The following PDE3A variants were observed in gnomAD, a reference collection of about 807,000 sequenced individuals.
The protein encoded by PDE3A is phosphodiesterase 3A.
In PDE3A, 43 loss-of-function variants were observed where a neutral mutation model predicts 98.3. The observed-to-expected ratio is 0.44, with a 90% CI of 0.34 to 0.56. The LOEUF is 0.56. PDE3A is among the 20% of genes least tolerant of loss of function. PDE3A has a pLI of 0.01. For synonymous variants in PDE3A, 663 were observed against 567.9 expected (o/e 1.17, Z -2.38); for missense variants, 1,427 against 1,440.7 (o/e 0.99, Z 0.15).
At chr12:20,397,249 T>C in intron 1 of PDE3A, among the ~76,000 whole-genome samples, 1 of 152,042 alleles carries the variant, frequency 6.6e-6, no homozygotes, top group East Asian at 1.9e-4. Flanking sequence ...TATATATGTC[T>C]CTCTATATGT....
intron 1 of PDE3A, among the ~76,000 whole-genome samples, chr12:20,372,416 G>A (rs1287286120): frequency 2.0e-5 from 3 of 152,078 alleles, no homozygotes; most frequent in Non-Finnish European, 1.5e-5. Flanking sequence ...ATGGGTGAGT[G>A]TGTGCGTGTC....
chr12:20,673,714 G>T (rs1945554461), intron 15 of PDE3A, among the ~76,000 whole-genome samples: 1 of 117,102 alleles, frequency 8.5e-6, no homozygotes, highest in African/African-American at 3.2e-5. Context: ...GGGGGGAGGG[G>T]GGAGGGATAG....
At chr12:20,639,638 A>G (rs2121513681) in intron 9 of PDE3A, among the ~76,000 whole-genome samples, 1 of 152,262 alleles carries the variant, frequency 6.6e-6, no homozygotes, top group East Asian at 1.9e-4. Flanking sequence ...TTTTAAGGAG[A>G]CATGTGCAAT....
In PDE3A at chr12:20,613,750, T is replaced by G. The variant is rs765215130; in HGVS notation, c.1269+50T>G. The stretch of plus-strand genomic sequence containing the variant: ...AAAGGGTTAAACTATTTTTTTTAAT[T>G]GTCTTCTAGGTCTCCTTCCTGTCAC... On this transcript the variant is annotated intron_variant, in intron 3 of 15. Transcript: ENST00000359062. The G allele has an allele frequency of 4.2e-6, 6 of 1,440,764 alleles. No individual in the cohort carries two copies. The African/African-American group carries it at 8.4e-5, about 20-fold the overall frequency. 89.2% of individuals were successfully genotyped at this position (1,440,764 alleles called of 1,614,324 possible). A position where few individuals can be genotyped will look rare whatever the true frequency, so the allele number is the denominator to read the frequency against.
At chr12:20,541,805 G>A (rs181876964) in intron 1 of PDE3A, among the ~76,000 whole-genome samples, 35 of 152,204 alleles carry the variant, frequency 2.3e-4, no homozygotes, top group Admixed American at 1.7e-3. Flanking sequence ...TCATGGACCC[G>A]TGAAGAATTG....
chr12:20,598,430 T>C (rs1158156791), intron 2 of PDE3A, among the ~76,000 whole-genome samples: 1 of 152,064 alleles, frequency 6.6e-6, no homozygotes. Flanking sequence ...GTAATCTGCC[T>C]GGTCTCCCAA....
At chr12:20,641,543 A>G (rs1477619754) in intron 10 of PDE3A, among the ~76,000 whole-genome samples, 1 of 152,128 alleles carries the variant, frequency 6.6e-6, no homozygotes, top group Non-Finnish European at 1.5e-5. Flanking sequence ...TTCCAAATTC[A>G]TGTTATATTT....
intron 1 of PDE3A, among the ~76,000 whole-genome samples, chr12:20,443,262 T>A (rs531314318): frequency 2.6e-5 from 4 of 152,286 alleles, no homozygotes; most frequent in African/African-American, 9.6e-5. Flanking sequence ...AGAGGAAATC[T>A]TACTCTGTCC....
chr12:20,512,289 A>G (rs1015509892), intron 1 of PDE3A, among the ~76,000 whole-genome samples: 1 of 152,116 alleles, frequency 6.6e-6, no homozygotes, highest in African/African-American at 2.4e-5. Context: ...AGACTATGCT[A>G]TCTTCAAAAG....
intron 1 of PDE3A, among the ~76,000 whole-genome samples, chr12:20,403,386 G>T (rs1944169780): frequency 2.0e-5 from 3 of 152,100 alleles, no homozygotes; most frequent in Admixed American, 2.0e-4. Flanking sequence ...TTGCGACTTT[G>T]CAGGGAGAGC....
At chr12:20,401,830 G>A (rs145133462) in intron 1 of PDE3A, among the ~76,000 whole-genome samples, 6 of 152,168 alleles carry the variant, frequency 3.9e-5, no homozygotes, top group African/African-American at 1.2e-4. Context: ...CCTCTCCTGC[G>A]CCCCACATTA....
chr12:20,451,122 T>C (rs757843467), intron 1 of PDE3A, among the ~76,000 whole-genome samples: 20 of 152,212 alleles, frequency 1.3e-4, no homozygotes, highest in Non-Finnish European at 8.8e-5. Context: ...AAATATGCCT[T>C]GATCACTTGC....
At chr12:20,490,301 C>G (rs1461620655) in intron 1 of PDE3A, among the ~76,000 whole-genome samples, 2 of 152,216 alleles carry the variant, frequency 1.3e-5, no homozygotes, top group East Asian at 1.9e-4. Flanking sequence ...TTTCCTTTAC[C>G]TAGCAGGAAA....
At chr12:20,582,774 T>C (rs902166500) in intron 2 of PDE3A, among the ~76,000 whole-genome samples, 1 of 152,144 alleles carries the variant, frequency 6.6e-6, no homozygotes, top group African/African-American at 2.4e-5. Flanking sequence ...TGATTCTTGA[T>C]TGCACTCAAA....
chr12:20,552,012 C>T lies in PDE3A; in HGVS notation c.961-4648C>T. 6.2e-7 allele frequency: 1 copy of T among 1,612,508 alleles called. No homozygotes were observed. Among genetic ancestry groups the T allele is most frequent in the Non-Finnish European group, 8.5e-7 (1 of 1,179,898 alleles). ...GCAACGACGGAGCGTACTCCCTAGT[C>T]CTGGCGGGGGGCTACGAGGATGACG... On this transcript the variant is annotated intron_variant, in intron 1 of 15. Coordinates refer to ENST00000359062, the MANE Select transcript of PDE3A (RefSeq NM_000921.5). This position sits in a 1 kb window ranked among gnomAD's most constrained non-coding sequence, Gnocchi z 5.1.
At chr12:20,370,496 G>A (rs1037158473) in intron 1 of PDE3A, among the ~76,000 whole-genome samples, 2 of 151,146 alleles carry the variant, frequency 1.3e-5, no homozygotes, top group African/African-American at 4.9e-5. Flanking sequence ...AAACTAGATG[G>A]CATGTGTAGG....
At chr12:20,570,882 C>T (rs1278414683) in intron 2 of PDE3A, among the ~76,000 whole-genome samples, 3 of 152,092 alleles carry the variant, frequency 2.0e-5, no homozygotes, top group African/African-American at 7.2e-5. Context: ...CCTTGAGGAG[C>T]TGTTTTTAAA....
intron 1 of PDE3A, among the ~76,000 whole-genome samples, chr12:20,442,974 A>G (rs969132230): frequency 6.6e-6 from 1 of 152,030 alleles, no homozygotes; most frequent in African/African-American, 2.4e-5. Flanking sequence ...CTTTTTTTTA[A>G]TGGAGGTCAT....
chr12:20,392,446 G>A (rs1943934539), intron 1 of PDE3A, among the ~76,000 whole-genome samples: 1 of 151,776 alleles, frequency 6.6e-6, no homozygotes, highest in African/African-American at 2.4e-5. Context: ...GCTGGGGTGG[G>A]AGGATTGTTT....
Sources: allele counts gnomAD v4.1 joint callset (sites outside exome capture counted in the v4.1 genomes callset), GRCh38; gene constraint gnomAD v4.1.1; non-coding constraint Gnocchi (gnomAD v3.1); transcripts MANE v1.5; gene names NCBI Gene and HGNC (gene_info 2026-07-23, HGNC 2026-07-21).